ZC3H12D: variants seen among roughly 807,000 people sequenced by gnomAD.
ZC3H12D encodes the protein zinc finger CCCH-type containing 12D, also known as probable ribonuclease ZC3H12D.
Under a neutral mutation model 24.2 loss-of-function variants are expected in ZC3H12D, and 11 were observed. The observed-to-expected ratio is 0.46, with a 90% confidence interval of 0.29 to 0.75. ZC3H12D has a LOEUF of 0.75. ZC3H12D is among the 30% of genes least tolerant of loss of function. ZC3H12D has a pLI of 0.11. For missense variants in ZC3H12D, 740 were observed against 767.7 expected, an observed-to-expected ratio of 0.96 and a Z score of 0.43; for synonymous variants, 333 against 341.8, an observed-to-expected ratio of 0.97 and a Z score of 0.28.
rs886262158 is a variant in ZC3H12D at position 149,456,902 on chromosome 6, T to C, written c.446-2A>G. On this transcript the variant is annotated splice_acceptor_variant, in intron 3 of 5. Coordinates refer to ENST00000409806, the MANE Select transcript of ZC3H12D (RefSeq NM_207360.3). LOFTEE classifies it high-confidence loss of function. This position sits in a 1 kb window ranked among gnomAD's most constrained non-coding sequence, Gnocchi z 4.3. The stretch of plus-strand genomic sequence containing the variant: ...CCAGCTCCGCCAGCACGTGCTGCTC[T>C]GAGGGCGGGGCGACGGAGACGCGGG... 6.3e-7 allele frequency: 1 copy of C among 1,595,194 alleles called. No homozygotes were observed. The highest frequency in any genetic ancestry group is 1.3e-5 in the African/African-American group (1 of 74,764).
intron 2 of ZC3H12D, among the ~76,000 whole-genome samples, chr6:149,465,424 G>C (rs1299160329): frequency 6.6e-6 from 1 of 151,676 alleles, no homozygotes; most frequent in South Asian, 2.1e-4. Flanking sequence ...GGCTTGTACA[G>C]TGAGGAGAAA....
chr6:149,481,370 C>T (rs1776422480), intron 1 of ZC3H12D, among the ~76,000 whole-genome samples: 1 of 149,446 alleles, frequency 6.7e-6, no homozygotes, highest in Admixed American at 6.6e-5. Flanking sequence ...CTTCCTGTGG[C>T]TTAGCATTTT....
chr6:149,458,111 C>CTTTT (rs57317596), intron 3 of ZC3H12D, among the ~76,000 whole-genome samples: 12,936 of 80,050 alleles, frequency 0.16, 1,108 homozygotes, highest in African/African-American at 0.2. Context: ...CTTTCTTTTT[C>CTTTT]TTTTTTTTTT....
chr6:149,460,187 A>T (rs1036880863), intron 3 of ZC3H12D, among the ~76,000 whole-genome samples: 1 of 152,246 alleles, frequency 6.6e-6, no homozygotes, highest in Non-Finnish European at 1.5e-5. Context: ...CTCACAGGTG[A>T]GCATCCCTAA....
rs1045980660 is a variant in ZC3H12D at position 149,474,525 on chromosome 6, T to C, written c.19A>G (p.Met7Val). Reference protein sequence around the residue: MEHPSKMEFFQKLGYDR... With the variant: MEHPSKVEFFQKLGYDR... ...TAGCCCAGCTTCTGGAAGAATTCCA[T>C]CTTGCTGGGGTGCTCCATGCTGTGC... Residue 7 changes from methionine to valine, a missense_variant, in exon 2 of 6, where the codon ATG (methionine) becomes GTG (valine). Coordinates refer to ENST00000409806, the MANE Select transcript of ZC3H12D (RefSeq NM_207360.3). 6.5e-7 allele frequency: 1 copy of C among 1,536,102 alleles called. No individual in the cohort carries two copies. The highest frequency in any genetic ancestry group is 8.8e-7 in the Non-Finnish European group (1 of 1,133,916).
rs1775993862 is a variant in ZC3H12D, at chr6:149,456,927, G to T, written c.446-27C>A. The T allele has an allele frequency of 6.3e-7, 1 of 1,584,392 alleles. No homozygotes were observed. The highest frequency in any genetic ancestry group is 1.1e-5 in the South Asian group (1 of 90,530). ...TGAGGGCGGGGCGACGGAGACGCGG[G>T]TGAGGGCCCAAGGGCACCGCCCCTG... is the stretch of plus-strand genomic sequence containing the variant. On this transcript the variant is annotated intron_variant, in intron 3 of 5. Coordinates refer to ENST00000409806, the MANE Select transcript of ZC3H12D (RefSeq NM_207360.3). The surrounding 1 kb of genome is among the most constrained non-coding windows in gnomAD (Gnocchi z 4.3).
chr6:149,450,780 C>A lies in ZC3H12D; in HGVS notation c.1487G>T (p.Arg496Leu). ...YSVFPRDQVD[R>L]VMAAFPELSD... ...GAGCTCCGGGAACGCGGCCATCACG[C>A]GGTCCACCTGGTCACGCGGGAAGAC... is the stretch of plus-strand genomic sequence containing the variant. The change falls in exon 6 of 6, where the codon CGC becomes CTC. Residue 496 changes from arginine (R) to leucine (L), a missense_variant. Arg to Leu is a moderately radical substitution (Grantham distance 102, BLOSUM62 -2). Transcript: ENST00000409806. 6.5e-7 allele frequency: 1 copy of A among 1,549,276 alleles called. No homozygotes were observed. The highest frequency in any genetic ancestry group is 8.7e-7 in the Non-Finnish European group (1 of 1,146,740).
intron 2 of ZC3H12D, among the ~76,000 whole-genome samples, chr6:149,469,876 C>T (rs1353350679): frequency 2.0e-5 from 3 of 152,166 alleles, no homozygotes; most frequent in Admixed American, 6.5e-5. Context: ...CAGAGCCCGC[C>T]TCTGGGTCAG....
In ZC3H12D at chr6:149,450,995, G is replaced by A. The variant is rs2115000228; in HGVS notation, c.1272C>T (p.Gly424=). The A allele has an allele frequency of 1.3e-6, 2 of 1,518,822 alleles. No homozygotes were observed. Among genetic ancestry groups the A allele is most frequent in the Admixed American group, 4.1e-5 (2 of 48,316 alleles). 94.1% of individuals were successfully genotyped at this position (1,518,822 alleles called of 1,614,324 possible). ...RGEHRPRDLH[G]DLLSPRRPPD... is the part of the protein sequence containing the mutation. ...GTGGCCTGCGCGGGGAAAGCAAGTCGCCGTGCAGGTCCCTAGGGCGGTGTT... is the reference window on the plus strand; with the variant it reads ...GTGGCCTGCGCGGGGAAAGCAAGTCACCGTGCAGGTCCCTAGGGCGGTGTT... The change falls in exon 6 of 6, where the codon GGC becomes GGT. Residue 424 remains glycine (G), a synonymous_variant. Transcript: ENST00000409806.
At position 149,449,142 on chromosome 6, in the gene ZC3H12D, G is replaced by A. The variant is rs1242817660; in HGVS notation, c.*1541C>T. 3 of 152,244 alleles carry A rather than the reference G, an allele frequency of 2.0e-5. No individual in the cohort carries two copies. The highest frequency in any genetic ancestry group is 7.2e-5 in the African/African-American group (3 of 41,462). The allele number at this position is 152,244 out of a possible 1,614,324, so 9.4% of individuals were successfully genotyped here. A position where few individuals can be genotyped will look rare whatever the true frequency, so the allele number is the denominator to read the frequency against. Reference sequence around the variant, plus strand: ...CTCACTTCTTAGCCATTGCAAATGAGTAGGCCCTTTCTCCTCAAACCCAGA... The same window carrying A: ...CTCACTTCTTAGCCATTGCAAATGAATAGGCCCTTTCTCCTCAAACCCAGA... On this transcript the variant is annotated 3_prime_UTR_variant, in exon 6 of 6. Coordinates refer to ENST00000409806, the MANE Select transcript of ZC3H12D (RefSeq NM_207360.3).
At chr6:149,458,111 C>CTCGTTTCTTTT (rs1246641761) in intron 3 of ZC3H12D, among the ~76,000 whole-genome samples, 3 of 80,240 alleles carry the variant, frequency 3.7e-5, no homozygotes, top group African/African-American at 1.4e-4. Context: ...CTTTCTTTTT[C>CTCGTTTCTTTT]TTTTTTTTTT....
At chr6:149,459,637 C>A (rs1776041273) in intron 3 of ZC3H12D, 2 of 717,908 alleles carry the variant, frequency 2.8e-6, no homozygotes, top group Non-Finnish European at 5.2e-6. Context: ...CTGGCAGCTG[C>A]TCCCAGGAGA....
intron 2 of ZC3H12D, among the ~76,000 whole-genome samples, chr6:149,462,832 C>G (rs1776095046): frequency 6.6e-6 from 1 of 152,202 alleles, no homozygotes; most frequent in African/African-American, 2.4e-5. Context: ...GTTGGACTTA[C>G]ACCAGGGGTT....
intron 2 of ZC3H12D, among the ~76,000 whole-genome samples, chr6:149,469,348 C>T (rs191610481): frequency 0.021 from 3,272 of 152,192 alleles, 49 homozygotes; most frequent in Non-Finnish European, 0.029. Context: ...GTCCCAGCTA[C>T]TTGGGAGGCT....
chr6:149,457,478 C>T (rs1318485928), intron 3 of ZC3H12D, among the ~76,000 whole-genome samples: 1 of 152,322 alleles, frequency 6.6e-6, no homozygotes, highest in South Asian at 2.1e-4. Flanking sequence ...TAGAAAGCAT[C>T]CAGGACTAGG....
chr6:149,475,317 G>A (rs1470723087), intron 1 of ZC3H12D, among the ~76,000 whole-genome samples: 1 of 152,190 alleles, frequency 6.6e-6, no homozygotes, highest in Non-Finnish European at 1.5e-5. Flanking sequence ...ATGCCCCCGG[G>A]CGAATTCTAC....
intron 3 of ZC3H12D, among the ~76,000 whole-genome samples, chr6:149,458,882 G>T (rs1189643176): frequency 6.6e-6 from 1 of 152,080 alleles, no homozygotes; most frequent in African/African-American, 2.4e-5. Flanking sequence ...TGTTTATATG[G>T]CCATATATGT....
chr6:149,466,820 G>T (rs1252434490), intron 2 of ZC3H12D, among the ~76,000 whole-genome samples: 1 of 151,982 alleles, frequency 6.6e-6, no homozygotes, highest in African/African-American at 2.4e-5. Context: ...AAGTTTCAGT[G>T]AGCCGAGATC....
At chr6:149,469,933 G>A (rs1357536247) in intron 2 of ZC3H12D, among the ~76,000 whole-genome samples, 1 of 152,140 alleles carries the variant, frequency 6.6e-6, no homozygotes, top group African/African-American at 2.4e-5. Context: ...AGAGCAGAAG[G>A]AATGGTAATG....
Sources: gnomAD v4.1 joint callset for allele counts (sites outside exome capture counted in the v4.1 genomes callset) on GRCh38, gnomAD v4.1.1 for gene constraint, Gnocchi (gnomAD v3.1) non-coding constraint, MANE v1.5 for transcripts, NCBI Gene and HGNC (gene_info 2026-07-23, HGNC 2026-07-21) for gene names.